Variants in AKAP7 observed in about 807,000 individuals in gnomAD.
AKAP7 encodes A kinase (PRKA) anchor protein 7.
A neutral mutation model predicts 39.5 loss-of-function variants in AKAP7; 39 were observed. That is an observed-to-expected ratio of 0.99 (90% CI 0.76 to 1.29). The LOEUF (loss-of-function observed/expected upper bound fraction) is 1.29, where lower values mean the gene tolerates loss of function less well. Ranked by LOEUF, AKAP7 falls within the 50% of genes most tolerant of loss-of-function variation. The pLI is 0.00. For synonymous variants in AKAP7, 140 were observed against 139.1 expected (o/e 1.01, Z -0.05); for missense variants, 414 against 407.7 (o/e 1.02, Z -0.13).
chr6:131,154,181 C>T (rs1802203806), intron 2 of AKAP7, among the ~76,000 whole-genome samples: 1 of 152,042 alleles, frequency 6.6e-6, no homozygotes, highest in African/African-American at 2.4e-5. Flanking sequence ...GCACTCCAGC[C>T]TGGGCAACAA....
At chr6:131,126,362 T>A in the AKAP7 span, among the ~76,000 whole-genome samples, 5 of 152,214 alleles carry the variant, frequency 3.3e-5, no homozygotes. Context: ...GAATTAGCGA[T>A]GCAAATGTTG....
intron 1 of AKAP7, chr6:131,136,811 A>G (rs1298580823): frequency 3.1e-6 from 3 of 979,000 alleles, no homozygotes; most frequent in African/African-American, 1.8e-5. Flanking sequence ...TAACTTGTTG[A>G]TTTCTACGCA....
intron 7 of AKAP7, among the ~76,000 whole-genome samples, chr6:131,280,936 T>C (rs1303947245): frequency 6.6e-6 from 1 of 152,192 alleles, no homozygotes; most frequent in Non-Finnish European, 1.5e-5. Context: ...GAATTTCCTA[T>C]TTCTTAAATT....
intron 7 of AKAP7, among the ~76,000 whole-genome samples, chr6:131,245,700 G>C (rs188823171): frequency 6.6e-6 from 1 of 152,076 alleles, no homozygotes; most frequent in Non-Finnish European, 1.5e-5. Context: ...TGGCATAACA[G>C]TTTCCATGAG....
chr6:131,279,805 T>C (rs1815060083), intron 7 of AKAP7, among the ~76,000 whole-genome samples: 1 of 152,170 alleles, frequency 6.6e-6, no homozygotes, highest in South Asian at 2.1e-4. Context: ...GGATGGCAGA[T>C]GTAGACAGTC....
At chr6:131,261,492 T>C (rs886842085) in intron 7 of AKAP7, among the ~76,000 whole-genome samples, 9 of 152,002 alleles carry the variant, frequency 5.9e-5, no homozygotes, top group African/African-American at 1.9e-4. Flanking sequence ...TAATTTTCTC[T>C]AAAATTAGTT....
Position 131,228,538 on chromosome 6 carries a change from T to C in AKAP7, c.850+8730T>C, listed in dbSNP as rs1156431186. On this transcript the variant is annotated intron_variant, in intron 7 of 7. Transcript: ENST00000431975. ...CTTTATTTTTAATTTTTATTTTTTGTAGAGACGGGGTCTCCCTATGTCCAG... is the reference window on the plus strand; with the variant it reads ...CTTTATTTTTAATTTTTATTTTTTGCAGAGACGGGGTCTCCCTATGTCCAG... Among the ~76,000 whole-genome samples, 3 of 152,194 alleles carry C rather than the reference T, an allele frequency of 2.0e-5. No individual in the cohort carries two copies. In the East Asian group the frequency reaches 5.8e-4, roughly 29 times the overall value.
At chr6:131,242,015 TTC>T in intron 7 of AKAP7, 1 of 955,914 alleles carries the variant, frequency 1.0e-6, no homozygotes, top group Non-Finnish European at 1.2e-6. Context: ...GAAGTTTAAA[TTC>T]TGTCTTTTTT....
chr6:131,218,415 T>A (rs1809392893), intron 6 of AKAP7, among the ~76,000 whole-genome samples: 1 of 152,094 alleles, frequency 6.6e-6, no homozygotes, highest in African/African-American at 2.4e-5. Context: ...AACAACCACA[T>A]TCTATAGAAG....
intron 1 of AKAP7, among the ~76,000 whole-genome samples, chr6:131,138,721 C>G (rs1800781798): frequency 1.3e-5 from 2 of 152,186 alleles, no homozygotes; most frequent in African/African-American, 4.8e-5. Flanking sequence ...TGAGCAAGTA[C>G]TTATTTAATC....
chr6:131,216,828 T>A lies in AKAP7; in HGVS notation c.703-2833T>A, dbSNP rs574732383. On this transcript the variant is annotated intron_variant, in intron 6 of 7. Transcript: ENST00000431975. ...AAAAATATGCCTCCTCCTTGTTAGG[T>A]TTAAGGCAAAAATAACCTTCTAAGG... 2.0e-5 allele frequency among the ~76,000 whole-genome samples: 3 copies of A among 152,264 alleles called. No individual in the cohort carries two copies. The South Asian group carries it at 6.2e-4, about 32-fold the overall frequency.
At position 131,163,000 on chromosome 6, in the gene AKAP7, C is replaced by T. The variant is rs1175573005; in HGVS notation, c.292-2081C>T. Among the ~76,000 whole-genome samples, 4 of 140,530 alleles carry T rather than the reference C, an allele frequency of 2.8e-5. No individual in the cohort carries two copies. The East Asian group carries it at 1.8e-3, about 62-fold the overall frequency. 92.2% of individuals were successfully genotyped at this position (140,530 alleles called of 152,430 possible). The stretch of plus-strand genomic sequence containing the variant: ...GTGCGCACACATACACGCTCTTTCG[C>T]TCTCGCTCTCTCTCTCTCTCTGCTG... On this transcript the variant is annotated intron_variant, in intron 3 of 7. Coordinates refer to ENST00000431975, the MANE Select transcript of AKAP7 (RefSeq NM_016377.4).
rs1037164406 is a variant in AKAP7, at chr6:131,203,572, A to G, written c.702+3999A>G. Among the ~76,000 whole-genome samples the G allele has an allele frequency of 2.0e-4, 31 of 152,290 alleles. 1 individual carries two copies. Among genetic ancestry groups the G allele is most frequent in the South Asian group, 6.2e-4 (3 of 4,822 alleles). On this transcript the variant is annotated intron_variant, in intron 6 of 7. Transcript: ENST00000431975. ...ATATATGCTTACTGTAAACAATTCAAATACTTACAGACCTATAGAGTGAAA... is the reference window on the plus strand; with the variant it reads ...ATATATGCTTACTGTAAACAATTCAGATACTTACAGACCTATAGAGTGAAA...
intron 7 of AKAP7, among the ~76,000 whole-genome samples, chr6:131,247,404 C>A (rs1812121510): frequency 6.8e-6 from 1 of 146,306 alleles, no homozygotes; most frequent in South Asian, 2.2e-4. Context: ...CAGCTCACTG[C>A]AACCTCCACC....
intron 7 of AKAP7, among the ~76,000 whole-genome samples, chr6:131,256,789 C>T (rs909384941): frequency 5.9e-5 from 9 of 151,988 alleles, no homozygotes; most frequent in Non-Finnish European, 1.3e-4. Flanking sequence ...ATCCTCCCAC[C>T]TCGGCCTCCC....
At chr6:131,195,590 T>C (rs376087976) in intron 5 of AKAP7, among the ~76,000 whole-genome samples, 2 of 152,198 alleles carry the variant, frequency 1.3e-5, no homozygotes, top group East Asian at 3.8e-4. Flanking sequence ...GATTTTCAGA[T>C]TGAAAAACTC....
chr6:131,230,696 C>A (rs1486448710), intron 7 of AKAP7, among the ~76,000 whole-genome samples: 1 of 152,040 alleles, frequency 6.6e-6, no homozygotes, highest in Non-Finnish European at 1.5e-5. Context: ...AGGTTTTCTT[C>A]TAGGATTTTT....
chr6:131,185,204 TG>T, intron 5 of AKAP7: 2 of 482,774 alleles, frequency 4.1e-6, no homozygotes, highest in Non-Finnish European at 4.0e-6. Flanking sequence ...GCTTAATAGG[TG>T]GGAAGAAAAA....
chr6:131,220,949 C>T (rs79115378), intron 7 of AKAP7, among the ~76,000 whole-genome samples: 3 of 151,812 alleles, frequency 2.0e-5, no homozygotes, highest in East Asian at 1.9e-4. Context: ...TGTGAAGAGT[C>T]GTACATCTCT....
Sources: gnomAD v4.1 joint callset for allele counts (sites outside exome capture counted in the v4.1 genomes callset) on GRCh38, gnomAD v4.1.1 for gene constraint, MANE v1.5 for transcripts, NCBI Gene and HGNC (gene_info 2026-07-23, HGNC 2026-07-21) for gene names.